Variants in SKAP2 observed in about 807,000 individuals in gnomAD.
SKAP2 encodes the protein src kinase-associated phosphoprotein 2.
In SKAP2, 28 loss-of-function variants were observed where a neutral mutation model predicts 54.9. The observed-to-expected ratio is 0.51, with a 90% CI of 0.38 to 0.70. SKAP2 has a LOEUF of 0.70. Ranked by LOEUF, SKAP2 falls within the 30% of genes least tolerant of loss-of-function variation. SKAP2 has a pLI of 0.00. For synonymous variants in SKAP2, 137 were observed against 134.3 expected, an observed-to-expected ratio of 1.02 and a Z score of -0.14; for missense variants, 356 against 424.1, an observed-to-expected ratio of 0.84 and a Z score of 1.41.
At chr7:26,735,883 T>C (rs1453979633) in intron 6 of SKAP2, among the ~76,000 whole-genome samples, 1 of 151,432 alleles carries the variant, frequency 6.6e-6, no homozygotes, top group African/African-American at 2.4e-5. Flanking sequence ...TTTTTTGGAG[T>C]CCCTTAAAAG....
chr7:26,838,301 C>G (rs1200940207), intron 4 of SKAP2, among the ~76,000 whole-genome samples: 1 of 152,064 alleles, frequency 6.6e-6, no homozygotes, highest in East Asian at 1.9e-4. Flanking sequence ...CCCCTCCACT[C>G]CTTCCTATTC....
chr7:26,856,227 C>T (rs1785159095), intron 1 of SKAP2, among the ~76,000 whole-genome samples: 3 of 152,048 alleles, frequency 2.0e-5, no homozygotes, highest in East Asian at 1.9e-4. Context: ...AGTCTATTAA[C>T]GACTAATGTG....
At chr7:26,846,272 T>A (rs1784918699) in intron 3 of SKAP2, among the ~76,000 whole-genome samples, 1 of 151,984 alleles carries the variant, frequency 6.6e-6, no homozygotes, top group Non-Finnish European at 1.5e-5. Flanking sequence ...AAACCAACAG[T>A]GAAACCAAAT....
chr7:26,787,825 C>T (rs1783586934), intron 4 of SKAP2, among the ~76,000 whole-genome samples: 1 of 152,138 alleles, frequency 6.6e-6, no homozygotes, highest in Non-Finnish European at 1.5e-5. Context: ...CACCTCCCAT[C>T]AGGCCCCACC....
intron 4 of SKAP2, among the ~76,000 whole-genome samples, chr7:26,749,534 A>T (rs1782633517): frequency 6.6e-6 from 1 of 152,026 alleles, no homozygotes; most frequent in South Asian, 2.1e-4. Flanking sequence ...GGATCACTTG[A>T]GGCCAGGTGT....
intron 6 of SKAP2, 142 bp from the exon 7 acceptor site, chr7:26,727,148 T>C (rs930716446): frequency 3.4e-6 from 2 of 590,292 alleles, no homozygotes; most frequent in African/African-American, 3.9e-5. Flanking sequence ...AGGTAATGTT[T>C]TTAGAAATCA....
intron 4 of SKAP2, among the ~76,000 whole-genome samples, chr7:26,843,060 AT>A (rs1039773097): frequency 6.6e-6 from 1 of 152,056 alleles, no homozygotes; most frequent in Admixed American, 6.6e-5. Flanking sequence ...TACTTGACTT[AT>A]CCCCGTTCTG....
At chr7:26,849,042 G>A (rs1408410251) in intron 3 of SKAP2, among the ~76,000 whole-genome samples, 1 of 152,106 alleles carries the variant, frequency 6.6e-6, no homozygotes, top group Non-Finnish European at 1.5e-5. Context: ...GGTGGTCGAA[G>A]GAAAAAGCTG....
chr7:26,655,746 G>C, the SKAP2 span, among the ~76,000 whole-genome samples: 1 of 152,174 alleles, frequency 6.6e-6, no homozygotes, highest in Non-Finnish European at 1.5e-5. Flanking sequence ...GCAATAAAAC[G>C]TAGAGCATGG....
intron 9 of SKAP2, among the ~76,000 whole-genome samples, chr7:26,709,590 T>G (rs1787247975): frequency 6.6e-6 from 1 of 152,230 alleles, no homozygotes; most frequent in South Asian, 2.1e-4. Flanking sequence ...ATCCTTTAAG[T>G]TGCTTGTGCA....
intron 4 of SKAP2, among the ~76,000 whole-genome samples, chr7:26,779,605 G>A (rs1309830434): frequency 1.3e-5 from 2 of 151,968 alleles, no homozygotes; most frequent in East Asian, 3.9e-4. Flanking sequence ...TTTAAATTAA[G>A]ATTAGCTTCT....
intron 11 of SKAP2, among the ~76,000 whole-genome samples, chr7:26,679,716 C>T (rs895958452): frequency 2.0e-5 from 3 of 152,116 alleles, no homozygotes; most frequent in African/African-American, 7.2e-5. Context: ...AACTTATTTC[C>T]CTCTGCCAAT....
At chr7:26,664,331 T>C (rs1005692899), downstream of SKAP2, among the ~76,000 whole-genome samples, 64 of 152,160 alleles carry the variant, frequency 4.2e-4, no homozygotes, top group African/African-American at 1.4e-3. Context: ...ACTCAGTAAA[T>C]GTTAGCTATT....
chr7:26,773,934 G>A (rs1214672612), intron 4 of SKAP2, among the ~76,000 whole-genome samples: 1 of 152,176 alleles, frequency 6.6e-6, no homozygotes, highest in Non-Finnish European at 1.5e-5. Context: ...GTGCTGTGGG[G>A]AGAGGCAGGG....
chr7:26,844,927 A>G (rs763007209), intron 3 of SKAP2, among the ~76,000 whole-genome samples: 34 of 152,090 alleles, frequency 2.2e-4, no homozygotes, highest in Admixed American at 6.6e-4. Context: ...TCTCCACAAG[A>G]TCTTGTGGTT....
rs58394492 is a variant in SKAP2, at chr7:26,794,181, T to C, written c.307+49849A>G. 1.2e-3 allele frequency among the ~76,000 whole-genome samples: 187 copies of C among 152,338 alleles called. 1 individual carries two copies. Among genetic ancestry groups the C allele is most frequent in the African/African-American group, 4.2e-3 (176 of 41,576 alleles). On this transcript the variant is annotated intron_variant, in intron 4 of 12. Transcript: ENST00000345317. The stretch of plus-strand genomic sequence containing the variant: ...TTTTAAATATGAGATGTTAGTAACA[T>C]TCGAATTTTCATTTATAAAAATTAC...
chr7:26,664,766 A>C (rs1428734269), downstream of SKAP2, among the ~76,000 whole-genome samples: 1 of 151,856 alleles, frequency 6.6e-6, no homozygotes, highest in East Asian at 1.9e-4. Context: ...AACCTAGGGA[A>C]ACACCTTCCA....
chr7:26,843,994 G>A lies in SKAP2; in HGVS notation c.307+36C>T, dbSNP rs748588677. 23 of 1,254,650 alleles carry A rather than the reference G, an allele frequency of 1.8e-5. No homozygotes were observed. In the South Asian group the frequency reaches 2.8e-4, roughly 15 times the overall value. 77.7% of individuals were successfully genotyped at this position (1,254,650 alleles called of 1,614,324 possible). On this transcript the variant is annotated intron_variant, in intron 4 of 12. Transcript: ENST00000345317. The stretch of plus-strand genomic sequence containing the variant: ...ACCCATATATATAGCATTGTTTTGT[G>A]TGAGTGTCAGAGTTACGTGGGAAAA...
At chr7:26,691,785 G>A (rs1344998046) in intron 9 of SKAP2, among the ~76,000 whole-genome samples, 3 of 152,178 alleles carry the variant, frequency 2.0e-5, no homozygotes, top group Admixed American at 6.5e-5. Context: ...GGATATTTCC[G>A]GAGGGATAGG....
Sources: allele counts gnomAD v4.1 joint callset (sites outside exome capture counted in the v4.1 genomes callset), GRCh38; gene constraint gnomAD v4.1.1; transcripts MANE v1.5; gene names NCBI Gene and HGNC (gene_info 2026-07-23, HGNC 2026-07-21).